Variants in CNTN4 observed in about 807,000 individuals in gnomAD.
CNTN4 encodes contactin 4.
CNTN4 carries 77 observed loss-of-function variants against 122.5 expected under a neutral mutation model. The observed-to-expected ratio is 0.63, with a 90% CI of 0.52 to 0.76. The LOEUF (loss-of-function observed/expected upper bound fraction) is 0.76, where lower values mean the gene tolerates loss of function less well. Ranked by LOEUF, CNTN4 falls within the 30% of genes least tolerant of loss-of-function variation. CNTN4 has a pLI of 0.00. For synonymous variants in CNTN4, 512 were observed against 447.0 expected, an observed-to-expected ratio of 1.15 and a Z score of -1.83; for missense variants, 1,256 against 1,259.1, an observed-to-expected ratio of 1.00 and a Z score of 0.04.
intron 4 of CNTN4, among the ~76,000 whole-genome samples, chr3:2,708,666 G>T (rs2086892764): frequency 6.7e-6 from 1 of 149,890 alleles, no homozygotes; most frequent in African/African-American, 2.5e-5. Flanking sequence ...TCCTAGAGAG[G>T]CAATCCATTC....
intron 12 of CNTN4, among the ~76,000 whole-genome samples, chr3:2,920,608 G>A (rs1464206751): frequency 2.6e-5 from 4 of 151,900 alleles, no homozygotes; most frequent in Admixed American, 6.6e-5. Context: ...TGTGTTTCTC[G>A]GACTCTAAGA....
intron 7 of CNTN4, among the ~76,000 whole-genome samples, chr3:2,851,979 A>G (rs2093557454): frequency 6.6e-6 from 1 of 152,100 alleles, no homozygotes; most frequent in African/African-American, 2.4e-5. Context: ...TAATACATGA[A>G]CTCTAAGTAA....
intron 3 of CNTN4, among the ~76,000 whole-genome samples, chr3:2,353,087 G>C (rs2044706741): frequency 6.6e-6 from 1 of 152,080 alleles, no homozygotes; most frequent in Non-Finnish European, 1.5e-5. Flanking sequence ...TGGGGACTGG[G>C]AGAACTTTTA....
At position 2,709,061 on chromosome 3, in the gene CNTN4, C is replaced by T. The variant is rs557282235; in HGVS notation, c.56-27154C>T. Among the ~76,000 whole-genome samples the T allele has an allele frequency of 1.3e-5, 2 of 152,160 alleles. No homozygotes were observed. The highest frequency in any genetic ancestry group is 2.9e-5 in the Non-Finnish European group (2 of 67,992). ...TCTTCTCAGATATCTCATAGACCAT[C>T]CCCCCTCTGCTGCCACTGAATTTCA... On this transcript the variant is annotated intron_variant, in intron 4 of 24. Coordinates refer to ENST00000418658, the MANE Select transcript of CNTN4 (RefSeq NM_175607.3). This position sits in a 1 kb window ranked among gnomAD's most constrained non-coding sequence, Gnocchi z 5.0.
At chr3:2,907,213 T>C (rs1441989940) in intron 12 of CNTN4, among the ~76,000 whole-genome samples, 1 of 152,218 alleles carries the variant, frequency 6.6e-6, no homozygotes, top group Non-Finnish European at 1.5e-5. Flanking sequence ...TCATTACCTA[T>C]GCTAGAATCA....
At chr3:2,490,966 G>T (rs1453810507) in intron 3 of CNTN4, among the ~76,000 whole-genome samples, 2 of 152,108 alleles carry the variant, frequency 1.3e-5, no homozygotes, top group East Asian at 3.9e-4. Flanking sequence ...TAGAGATCAA[G>T]ATACCACCTT....
At chr3:2,462,925 A>G (rs777636680) in intron 3 of CNTN4, among the ~76,000 whole-genome samples, 4 of 152,086 alleles carry the variant, frequency 2.6e-5, no homozygotes, top group Non-Finnish European at 4.4e-5. Context: ...GATATTTTAC[A>G]TTTTTTCTTT....
intron 3 of CNTN4, among the ~76,000 whole-genome samples, chr3:2,564,555 A>G (rs922183246): frequency 2.0e-5 from 3 of 152,278 alleles, no homozygotes; most frequent in Admixed American, 6.5e-5. Context: ...TGTAATTCAA[A>G]GTTTCAAGAA....
At chr3:2,179,751 C>G (rs2036928798) in intron 2 of CNTN4, among the ~76,000 whole-genome samples, 1 of 151,818 alleles carries the variant, frequency 6.6e-6, no homozygotes, top group African/African-American at 2.4e-5. Flanking sequence ...TTCAGACATT[C>G]ATTAAAGAGC....
intron 7 of CNTN4, among the ~76,000 whole-genome samples, chr3:2,853,855 A>AT (rs2093586907): frequency 6.6e-6 from 1 of 152,210 alleles, no homozygotes; most frequent in Non-Finnish European, 1.5e-5. Context: ...GTCCTGAGGT[A>AT]TGATTGGTCT....
intron 8 of CNTN4, among the ~76,000 whole-genome samples, chr3:2,867,769 G>A (rs1483377565): frequency 2.6e-5 from 4 of 151,768 alleles, no homozygotes; most frequent in African/African-American, 9.7e-5. Context: ...CTACTGTATC[G>A]AGTCTACGAC....
At chr3:2,585,417 T>G (rs4685529) in intron 4 of CNTN4, among the ~76,000 whole-genome samples, 89,590 of 151,478 alleles carry the variant, frequency 0.59, 26,785 homozygotes, top group Middle Eastern at 0.65. Context: ...CTATTCACAA[T>G]AGCAAAGACT....
At chr3:2,126,948 G>T (rs926862935) in intron 2 of CNTN4, among the ~76,000 whole-genome samples, 3 of 152,154 alleles carry the variant, frequency 2.0e-5, no homozygotes, top group Admixed American at 2.0e-4. Context: ...AGGGTGGTTC[G>T]AAACTAGAAG....
At chr3:3,042,615 C>T (rs1029848945) in intron 21 of CNTN4, among the ~76,000 whole-genome samples, 193 bp downstream of exon 21, 3 of 152,140 alleles carry the variant, frequency 2.0e-5, no homozygotes, top group East Asian at 3.9e-4. Context: ...ATGTTATATT[C>T]TAGAGGTATT....
At chr3:2,610,204 A>C (rs1326767017) in intron 4 of CNTN4, among the ~76,000 whole-genome samples, 1 of 152,190 alleles carries the variant, frequency 6.6e-6, no homozygotes, top group Admixed American at 6.5e-5. Context: ...TATTATTAAG[A>C]TCATCTGGGG....
At chr3:2,886,255 G>A (rs2093976135) in intron 9 of CNTN4, among the ~76,000 whole-genome samples, 1 of 151,632 alleles carries the variant, frequency 6.6e-6, no homozygotes, top group Non-Finnish European at 1.5e-5. Context: ...AAATTAGCTA[G>A]GCATGGTGGC....
intron 2 of CNTN4, among the ~76,000 whole-genome samples, chr3:2,184,036 A>G (rs536033021): frequency 3.3e-4 from 50 of 152,126 alleles, no homozygotes; most frequent in Non-Finnish European, 6.2e-4. Flanking sequence ...CAGCGGCGTG[A>G]TCATGGCTTA....
intron 2 of CNTN4, among the ~76,000 whole-genome samples, chr3:2,148,158 A>G (rs1235844869): frequency 6.6e-6 from 1 of 152,192 alleles, no homozygotes; most frequent in Non-Finnish European, 1.5e-5. Flanking sequence ...AGTAGGACTA[A>G]TTGCAATTCT....
At chr3:2,450,392 A>AAATAAATAAATG (rs2048784063) in intron 3 of CNTN4, among the ~76,000 whole-genome samples, 1 of 151,514 alleles carries the variant, frequency 6.6e-6, no homozygotes, top group Non-Finnish European at 1.5e-5. Context: ...ATAAATAAAT[A>AAATAAATAAATG]AATAAAATAA....
Sources: allele counts gnomAD v4.1 joint callset (sites outside exome capture counted in the v4.1 genomes callset), GRCh38; gene constraint gnomAD v4.1.1; non-coding constraint Gnocchi (gnomAD v3.1); transcripts MANE v1.5; gene names NCBI Gene and HGNC (gene_info 2026-07-23, HGNC 2026-07-21).